CACNA2D1: variants seen among roughly 807,000 people sequenced by gnomAD.
CACNA2D1 encodes the protein voltage-dependent calcium channel subunit alpha-2/delta-1.
A neutral mutation model predicts 171.5 loss-of-function variants in CACNA2D1; 53 were observed. The ratio of observed to expected loss-of-function variants is 0.31; its 90% CI spans 0.25 to 0.39. The LOEUF (loss-of-function observed/expected upper bound fraction) is 0.39. CACNA2D1 is among the 10% of genes least tolerant of loss of function. The probability of loss-of-function intolerance (pLI) is 1.00; values close to 1 mark genes in which losing one functional copy is unlikely to be tolerated. For missense variants in CACNA2D1, 903 were observed against 1,299.8 expected, an observed-to-expected ratio of 0.69 and a Z score of 4.69; for synonymous variants, 442 against 443.1, an observed-to-expected ratio of 1.00 and a Z score of 0.03.
chr7:82,284,499 G>T (rs1810513217), intron 3 of CACNA2D1, among the ~76,000 whole-genome samples: 1 of 152,126 alleles, frequency 6.6e-6, no homozygotes, highest in African/African-American at 2.4e-5. Context: ...TATAAACAAA[G>T]AAATTTATTT....
chr7:82,066,139 G>A (rs546196574), intron 8 of CACNA2D1, among the ~76,000 whole-genome samples: 1 of 152,160 alleles, frequency 6.6e-6, no homozygotes, highest in South Asian at 2.1e-4. Context: ...CTCTGTTGGA[G>A]CTCTACTCCA....
At chr7:82,292,354 A>T (rs1811750170) in intron 3 of CACNA2D1, among the ~76,000 whole-genome samples, 2 of 152,146 alleles carry the variant, frequency 1.3e-5, no homozygotes, top group Non-Finnish European at 2.9e-5. Context: ...TGCTGACATC[A>T]GTAATTGCCT....
intron 10 of CACNA2D1, among the ~76,000 whole-genome samples, chr7:82,049,128 A>AG (rs1417676548): frequency 6.7e-6 from 1 of 149,440 alleles, no homozygotes; most frequent in Non-Finnish European, 1.5e-5. Flanking sequence ...GCAACTCATA[A>AG]AAAAAAAAAA....
In CACNA2D1 at chr7:81,965,613, T is replaced by C. The variant is rs751474463; in HGVS notation, c.2555A>G (p.His852Arg). 3 of 1,582,820 alleles carry C rather than the reference T, an allele frequency of 1.9e-6. No individual in the cohort carries two copies. The South Asian group carries it at 3.3e-5, about 18-fold the overall frequency. The change falls in exon 32 of 39, where the codon CAT (histidine) becomes CGT (arginine). Residue 852 changes from histidine (H) to arginine (R), a missense_variant. Coordinates refer to ENST00000356860, the MANE Select transcript of CACNA2D1 (RefSeq NM_000722.4). ...ACATACCTGATTAGTATAATCATCA[T>C]GATTTGCCATCAGAAGAAACCCACC... is the stretch of plus-strand genomic sequence containing the variant. ...DDGGFLLMANHDDYTNQIGRF... is the reference protein window; with the variant it reads ...DDGGFLLMANRDDYTNQIGRF...
chr7:81,995,902 C>A (rs1391227204), intron 19 of CACNA2D1, among the ~76,000 whole-genome samples: 2 of 151,896 alleles, frequency 1.3e-5, no homozygotes, highest in African/African-American at 2.4e-5. Flanking sequence ...ATAACTCAAC[C>A]AGTGATTTAC....
At chr7:82,197,998 T>A (rs1434322750) in intron 3 of CACNA2D1, among the ~76,000 whole-genome samples, 1 of 152,056 alleles carries the variant, frequency 6.6e-6, no homozygotes, top group Non-Finnish European at 1.5e-5. Context: ...AATGTCAGGA[T>A]CTTTCCTGAA....
intron 6 of CACNA2D1, among the ~76,000 whole-genome samples, chr7:82,095,868 A>T (rs1811799090): frequency 6.6e-6 from 1 of 152,154 alleles, no homozygotes; most frequent in African/African-American, 2.4e-5. Flanking sequence ...TGTCCATTTA[A>T]TCCTGTTTTT....
At chr7:82,236,728 C>T (rs1363490466) in intron 3 of CACNA2D1, among the ~76,000 whole-genome samples, 1 of 151,882 alleles carries the variant, frequency 6.6e-6, no homozygotes, top group African/African-American at 2.4e-5. Context: ...TTTATAAAAG[C>T]CTATAACTTG....
intron 21 of CACNA2D1, among the ~76,000 whole-genome samples, chr7:81,989,470 A>AT: frequency 6.6e-6 from 1 of 152,300 alleles, no homozygotes; most frequent in East Asian, 1.9e-4. Context: ...GACCACTTCT[A>AT]TTTTTCTCCG....
chr7:82,442,623 G>GT (rs1830590142), intron 1 of CACNA2D1, among the ~76,000 whole-genome samples: 1 of 152,140 alleles, frequency 6.6e-6, no homozygotes. Flanking sequence ...TTTAGAAATG[G>GT]TAAAAATAAA....
At chr7:81,974,375 T>G (rs1433665743) in intron 25 of CACNA2D1, 80 bp downstream of exon 25, 3 of 725,354 alleles carry the variant, frequency 4.1e-6, no homozygotes, top group East Asian at 5.4e-5. Flanking sequence ...TATAAAGTAA[T>G]ATGATTATCG....
intron 1 of CACNA2D1, among the ~76,000 whole-genome samples, chr7:82,353,451 T>G (rs184444895): frequency 4.9e-4 from 75 of 152,210 alleles, no homozygotes; most frequent in African/African-American, 1.6e-3. Context: ...AAATATACAC[T>G]AGGCAATTGA....
intron 4 of CACNA2D1, among the ~76,000 whole-genome samples, chr7:82,155,339 G>T (rs957288395): frequency 1.3e-5 from 2 of 152,088 alleles, no homozygotes; most frequent in African/African-American, 2.4e-5. Flanking sequence ...ACAATTTGCA[G>T]ATGAGGAAAC....
intron 21 of CACNA2D1, among the ~76,000 whole-genome samples, chr7:81,987,657 C>A (rs997862325): frequency 2.0e-5 from 3 of 152,062 alleles, no homozygotes; most frequent in African/African-American, 7.2e-5. Flanking sequence ...ACATTTTGTT[C>A]TAAATTGCTC....
At chr7:82,135,444 G>A (rs1346950864) in intron 5 of CACNA2D1, among the ~76,000 whole-genome samples, 7 of 151,918 alleles carry the variant, frequency 4.6e-5, no homozygotes, top group Non-Finnish European at 7.4e-5. Context: ...CAAGAGGAAA[G>A]ATGTCATGGG....
rs1268357531 is a variant in CACNA2D1, at chr7:82,435,067, ACT to A, written c.95+8296_95+8297del. Among the ~76,000 whole-genome samples, 15 of 114,912 alleles carry A rather than the reference ACT, an allele frequency of 1.3e-4. No individual in the cohort carries two copies. In the East Asian group the frequency reaches 3.2e-3, roughly 25 times the overall value. The allele number at this position is 114,912 out of a possible 152,430, so 75.4% of individuals were successfully genotyped here. A position where few individuals can be genotyped will look rare whatever the true frequency, so the allele number is the denominator to read the frequency against. ...TTTTTTTTTTTTGAGACGGAGTCTC[ACT>A]CTGTCACCCAGGCTGGAATGCAGTG... On this transcript the variant is annotated intron_variant, in intron 1 of 38. Transcript: ENST00000356860.
intron 26 of CACNA2D1, chr7:81,971,042 C>A: frequency 3.3e-6 from 1 of 304,608 alleles, no homozygotes; most frequent in Non-Finnish European, 6.2e-6. Flanking sequence ...GGAAAGCTAC[C>A]AGAGATGGCT....
At chr7:81,985,196 C>CTTTTTTTTTTTTTTTTTTTTTTTTTTTT (rs774555240) in intron 21 of CACNA2D1, among the ~76,000 whole-genome samples, 2 of 104,192 alleles carry the variant, frequency 1.9e-5, no homozygotes, top group African/African-American at 8.2e-5. Context: ...ATTATCATTA[C>CTTTTTTTTTTTTTTTTTTTTTTTTTTTT]TTTTTTTTTT....
chr7:81,983,401 C>T, intron 22 of CACNA2D1, 67 bp from the exon 23 acceptor site: 1 of 1,152,472 alleles, frequency 8.7e-7, no homozygotes, highest in Non-Finnish European at 1.3e-6. Flanking sequence ...CAAAGGGGGT[C>T]ATAAACAATA....
Sources: allele counts gnomAD v4.1 joint callset (sites outside exome capture counted in the v4.1 genomes callset), GRCh38; gene constraint gnomAD v4.1.1; transcripts MANE v1.5; gene names NCBI Gene and HGNC (gene_info 2026-07-23, HGNC 2026-07-21).